The following DIP2A variants were observed in gnomAD, a reference collection of about 807,000 sequenced individuals.
DIP2A encodes the protein disco-interacting protein 2 homolog A.
DIP2A carries 85 observed loss-of-function variants against 177.4 expected under a neutral mutation model. The ratio of observed to expected loss-of-function variants is 0.48; its 90% CI spans 0.40 to 0.57. DIP2A has a LOEUF of 0.57. Ranked by LOEUF, DIP2A falls within the 20% of genes least tolerant of loss-of-function variation. DIP2A has a pLI of 0.00. For missense variants in DIP2A, 1,791 were observed against 2,100.2 expected (o/e 0.85, Z 2.88); for synonymous variants, 886 against 881.8 (o/e 1.00, Z -0.08).
intron 31 of DIP2A, 91 bp from the exon 32 acceptor site, chr21:46,558,132 G>A: frequency 7.3e-7 from 1 of 1,362,634 alleles, no homozygotes. Flanking sequence ...CCACCTCTGT[G>A]TGCCCACCCG....
chr21:46,566,639 C>T lies in DIP2A; in HGVS notation c.4419C>T (p.Asp1473=), dbSNP rs2060846703. ...ELRGMRYHPI[D]IETSVIRAHR... ...GAGGCATGCGGTACCACCCCATCGA[C>T]ATTGAGACCTCTGTCATCCGAGCAC... The change falls in exon 37 of 38, where the codon GAC becomes GAT. Residue 1473 remains aspartate, a synonymous_variant. Transcript: ENST00000417564. 1.9e-6 allele frequency: 3 copies of T among 1,614,110 alleles called. No individual in the cohort carries two copies. The East Asian group carries it at 6.7e-5, about 36-fold the overall frequency.
chr21:46,528,835 G>A lies in DIP2A; in HGVS notation c.1103-257G>A, dbSNP rs557205604. Among the ~76,000 whole-genome samples the A allele has an allele frequency of 2.0e-5, 3 of 151,580 alleles. 1 individual carries two copies. Among genetic ancestry groups the A allele is most frequent in the South Asian group, 4.2e-4 (2 of 4,788 alleles). Reference sequence around the variant, plus strand: ...GAGTCACTGCAACCTGCCTCTGCTGGCTCTTCTGTAGTCCAGATTTTCTGT... The same window carrying A: ...GAGTCACTGCAACCTGCCTCTGCTGACTCTTCTGTAGTCCAGATTTTCTGT... On this transcript the variant is annotated intron_variant, in intron 8 of 37. Coordinates refer to ENST00000417564, the MANE Select transcript of DIP2A (RefSeq NM_015151.4).
Position 46,537,126 on chromosome 21 carries a change from C to T in DIP2A, c.1643-98C>T. On this transcript the variant is annotated intron_variant, in intron 13 of 37. Coordinates refer to ENST00000417564, the MANE Select transcript of DIP2A (RefSeq NM_015151.4). The surrounding 1 kb of genome is among the most constrained non-coding windows in gnomAD (Gnocchi z 4.1). ...ATGCTGTATCTGTTCCTGAAACTTA[C>T]ATGTTGATGACGTACTCACCTCAGA... The T allele has an allele frequency of 8.8e-7, 1 of 1,131,568 alleles. No homozygotes were observed. Among genetic ancestry groups the T allele is most frequent in the Non-Finnish European group, 1.3e-6 (1 of 741,418 alleles). The allele number at this position is 1,131,568 out of a possible 1,614,324, so 70.1% of individuals were successfully genotyped here.
rs190999418 is a variant in DIP2A, at chr21:46,567,607, C to A, written c.4701C>A (p.Val1567=). 5.6e-6 allele frequency: 9 copies of A among 1,601,398 alleles called. No individual in the cohort carries two copies. Among genetic ancestry groups the A allele is most frequent in the Middle Eastern group, 1.7e-4 (1 of 5,994 alleles). ...CTGACCAGCTGGACCCCATCTATGT[C>A]GCCTACAACATGTGAGCGCAGCACA... ...FLADQLDPIY[V]AYNM is the part of the protein sequence containing the mutation. The change falls in exon 38 of 38, where the codon GTC becomes GTA. Residue 1567 remains valine (V), a synonymous_variant. Transcript: ENST00000417564.
At chr21:46,506,804 C>CTTTT (rs56782646) in intron 6 of DIP2A, among the ~76,000 whole-genome samples, 2 of 74,258 alleles carry the variant, frequency 2.7e-5, no homozygotes, top group South Asian at 4.5e-4. Context: ...TCTTTCTTCT[C>CTTTT]TTTTTTTTTT....
In DIP2A at chr21:46,537,298, G is replaced by T. The variant is rs745543444; in HGVS notation, c.1707+10G>T. On this transcript the variant is annotated intron_variant, in intron 14 of 37. Coordinates refer to ENST00000417564, the MANE Select transcript of DIP2A (RefSeq NM_015151.4). The surrounding 1 kb of genome is among the most constrained non-coding windows in gnomAD (Gnocchi z 4.1). ...GCATGGCGTGTTAACAGTGAGTGTT[G>T]TTTGCTGATGACTAACTGTTGGAAC... is the stretch of plus-strand genomic sequence containing the variant. The T allele has an allele frequency of 1.2e-6, 2 of 1,613,956 alleles. No individual in the cohort carries two copies. Among genetic ancestry groups the T allele is most frequent in the Non-Finnish European group, 1.7e-6 (2 of 1,179,830 alleles).
intron 1 of DIP2A, among the ~76,000 whole-genome samples, chr21:46,468,681 A>G (rs2148297397): frequency 6.6e-6 from 1 of 152,284 alleles, no homozygotes; most frequent in East Asian, 1.9e-4. Flanking sequence ...TTGTTAAGAG[A>G]GTAGAGCTCA....
At chr21:46,518,579 G>C (rs1009329527) in intron 8 of DIP2A, among the ~76,000 whole-genome samples, 11 of 152,182 alleles carry the variant, frequency 7.2e-5, no homozygotes, top group Admixed American at 7.2e-4. Context: ...GTGAACGGCT[G>C]GGCACGGTGG....
intron 35 of DIP2A, among the ~76,000 whole-genome samples, chr21:46,565,274 T>C (rs73375727): frequency 0.13 from 19,894 of 152,296 alleles, 1,841 homozygotes; most frequent in African/African-American, 0.26. Flanking sequence ...AACCCTGGGA[T>C]GTGCCGTCTG....
chr21:46,483,204 C>T (rs988309121), intron 1 of DIP2A, among the ~76,000 whole-genome samples: 5 of 151,930 alleles, frequency 3.3e-5, no homozygotes, highest in Admixed American at 1.3e-4. Flanking sequence ...TGATGCCATT[C>T]GGGTCAATTA....
intron 5 of DIP2A, 163 bp from the exon 6 acceptor site, chr21:46,504,198 A>G (rs779135384): frequency 1.6e-5 from 15 of 909,950 alleles, no homozygotes; most frequent in Non-Finnish European, 2.5e-5. Flanking sequence ...ATAGGGTCCC[A>G]GTATGCCTTT....
intron 9 of DIP2A, 69 bp downstream of exon 9, chr21:46,529,252 A>C: frequency 1.0e-6 from 1 of 970,698 alleles, no homozygotes; most frequent in South Asian, 1.6e-5. Flanking sequence ...GTTTCATTGA[A>C]ATTAGTGTTC....
chr21:46,551,739 G>A lies in DIP2A; in HGVS notation c.2945G>A (p.Arg982Gln), dbSNP rs200164053. ...CACCTGGAGGACAGCGACCAGGCAC[G>A]GAAGGTGACAGGCCAGTTCCGGGGA... ...LAHLEDSDQA[R>Q]KFLFLADVLQ... Residue 982 changes from arginine (R) to glutamine (Q), a missense_variant, in exon 24 of 38, where the codon CGG becomes CAG. Physicochemically the swap from Arg to Gln is conservative, Grantham distance 43 (BLOSUM62 1). Transcript: ENST00000417564. The A allele has an allele frequency of 9.6e-4, 1,555 of 1,613,948 alleles. 3 individuals carry two copies. Among genetic ancestry groups the A allele is most frequent in the Non-Finnish European group, 1.2e-3 (1,396 of 1,179,880 alleles).
In DIP2A at chr21:46,566,482, T is replaced by C. The variant is rs967306161; in HGVS notation, c.4340-78T>C. The C allele has an allele frequency of 2.5e-6, 4 of 1,583,450 alleles. No individual in the cohort carries two copies. In the African/African-American group the frequency reaches 4.0e-5, roughly 16 times the overall value. Reference sequence around the variant, plus strand: ...CCTCCCTGTGCCTGAGAGCCCCTGGTTGGGCTCAGAGGATACGAATGTCCA... The same window carrying C: ...CCTCCCTGTGCCTGAGAGCCCCTGGCTGGGCTCAGAGGATACGAATGTCCA... On this transcript the variant is annotated intron_variant, in intron 36 of 37. Transcript: ENST00000417564.
rs371277991 is a variant in DIP2A, at chr21:46,517,098, C to G, written c.1102+5484C>G. On this transcript the variant is annotated intron_variant, in intron 8 of 37. Transcript: ENST00000417564. ...TTTTTTTTTGAGACAGAGTCTTGCT[C>G]TGTTGCCCACACTGGAGTGCAGTGG... 6.6e-5 allele frequency among the ~76,000 whole-genome samples: 7 copies of G among 105,470 alleles called. No individual in the cohort carries two copies. The East Asian group carries it at 9.9e-4, about 15-fold the overall frequency. 69.2% of individuals were successfully genotyped at this position (105,470 alleles called of 152,430 possible).
intron 21 of DIP2A, among the ~76,000 whole-genome samples, chr21:46,547,656 CTTTTTTTTT>C (rs10672432): frequency 1.3e-5 from 1 of 76,392 alleles, no homozygotes; most frequent in Non-Finnish European, 2.3e-5. Context: ...AAGGGGGTGC[CTTTTTTTTT>C]TTTTTTTTTT....
intron 3 of DIP2A, 64 bp from the exon 4 acceptor site, chr21:46,496,924 C>T (rs993298684): frequency 4.8e-6 from 7 of 1,472,724 alleles, no homozygotes; most frequent in Admixed American, 5.2e-5. Flanking sequence ...AAACATGAAA[C>T]TTAATTTGTT....
In DIP2A at chr21:46,551,701, G is replaced by C. The variant is rs935073522; in HGVS notation, c.2907G>C (p.Gly969=). 12 of 1,614,018 alleles carry C rather than the reference G, an allele frequency of 7.4e-6. No individual in the cohort carries two copies. The highest frequency in any genetic ancestry group is 1.0e-5 in the Non-Finnish European group (12 of 1,179,890). The change falls in exon 24 of 38, where the codon GGG becomes GGC. Residue 969 remains glycine (G), a synonymous_variant. Coordinates refer to ENST00000417564, the MANE Select transcript of DIP2A (RefSeq NM_015151.4). ...GGAAGAGAATCGCTCAGGCTTCCGG[G>C]AGAGAGCTCGCCCACCTGGAGGACA... ...VAGKRIAQAS[G]RELAHLEDSD... is the part of the protein sequence containing the mutation.
At chr21:46,486,231 G>T (rs1183531817) in intron 2 of DIP2A, among the ~76,000 whole-genome samples, 2 of 152,152 alleles carry the variant, frequency 1.3e-5, no homozygotes, top group Non-Finnish European at 2.9e-5. Context: ...AAGAGGCAAG[G>T]TCTTACTCTG....
Sources: gnomAD v4.1 joint callset for allele counts (sites outside exome capture counted in the v4.1 genomes callset) on GRCh38, gnomAD v4.1.1 for gene constraint, Gnocchi (gnomAD v3.1) non-coding constraint, MANE v1.5 for transcripts, NCBI Gene and HGNC (gene_info 2026-07-23, HGNC 2026-07-21) for gene names.